TIRAP: variants seen among roughly 807,000 people sequenced by gnomAD.
TIRAP encodes the protein TIR domain containing adaptor protein.
TIRAP carries 20 observed loss-of-function variants against 19.8 expected under a neutral mutation model. The ratio of observed to expected loss-of-function variants is 1.01; its 90% confidence interval spans 0.71 to 1.47. The LOEUF is 1.47. Ranked by LOEUF, TIRAP falls within the 40% of genes most tolerant of loss-of-function variation. The pLI, the probability that TIRAP is intolerant of heterozygous loss-of-function variation, is 0.00. For missense variants in TIRAP, 276 were observed against 285.1 expected (o/e 0.97, Z 0.23); for synonymous variants, 125 against 121.7 (o/e 1.03, Z -0.18).
chr11:126,291,052 C>G lies in TIRAP; in HGVS notation c.67+91C>G. ...CGGTGGGAGGCCTGCCTGGTCCAAA[C>G]TCAGAGAGACGCAGGAAGGCTGACG... is the stretch of plus-strand genomic sequence containing the variant. On this transcript the variant is annotated intron_variant, in intron 3 of 4. Coordinates refer to ENST00000392679, the MANE Select transcript of TIRAP (RefSeq NM_001318777.2). This position sits in a 1 kb window ranked among gnomAD's most constrained non-coding sequence, Gnocchi z 5.6. 3 of 1,441,104 alleles carry G rather than the reference C, an allele frequency of 2.1e-6. No individual in the cohort carries two copies. In the South Asian group the frequency reaches 4.0e-5, roughly 19 times the overall value. The allele number at this position is 1,441,104 out of a possible 1,614,324, so 89.3% of individuals were successfully genotyped here.
Position 126,287,481 on chromosome 11 carries a change from TAGC to T in TIRAP, c.-216-2980_-216-2978del, listed in dbSNP as rs573968662. Among the ~76,000 whole-genome samples, 405 of 151,918 alleles carry T rather than the reference TAGC, an allele frequency of 2.7e-3. No individual in the cohort carries two copies. The highest frequency in any genetic ancestry group is 9.4e-3 in the African/African-American group (390 of 41,426). On this transcript the variant is annotated intron_variant, in intron 1 of 4. Transcript: ENST00000392679. The surrounding 1 kb of genome is among the most constrained non-coding windows in gnomAD (Gnocchi z 4.2). ...GATTACAGGCACGCACCACCACGCT[TAGC>T]TAATTTTTGTATTTTTAGTAGAGAC...
Position 126,287,172 on chromosome 11 carries a change from C to G in TIRAP, c.-216-3290C>G, listed in dbSNP as rs1951331374. ...TTTGTGGGCCACTATTCTGTCTACCCCAGATAGTGATTCCTGCTTAACAGA... is the reference window on the plus strand; with the variant it reads ...TTTGTGGGCCACTATTCTGTCTACCGCAGATAGTGATTCCTGCTTAACAGA... On this transcript the variant is annotated intron_variant, in intron 1 of 4. Coordinates refer to ENST00000392679, the MANE Select transcript of TIRAP (RefSeq NM_001318777.2). This position sits in a 1 kb window ranked among gnomAD's most constrained non-coding sequence, Gnocchi z 4.2. 6.6e-6 allele frequency among the ~76,000 whole-genome samples: 1 copy of G among 152,148 alleles called. No homozygotes were observed. The highest frequency in any genetic ancestry group is 6.6e-5 in the Admixed American group (1 of 15,264).
Position 126,294,005 on chromosome 11 carries a change from T to A in TIRAP, c.*318T>A. The A allele has an allele frequency of 2.4e-6, 1 of 411,896 alleles. No individual in the cohort carries two copies. The highest frequency in any genetic ancestry group is 2.4e-5 in the South Asian group (1 of 41,346). The allele number at this position is 411,896 out of a possible 1,614,324, so 25.5% of individuals were successfully genotyped here. On this transcript the variant is annotated 3_prime_UTR_variant, in exon 5 of 5. Transcript: ENST00000392679. ...TGGAGGTGGTAGGAAGTGGTACTGA[T>A]CAATGATGGCCAGCAGGACTCATCT... is the stretch of plus-strand genomic sequence containing the variant.
rs761479944 is a variant in TIRAP at position 126,292,911 on chromosome 11, G to A, written c.502G>A (p.Ala168Thr). Residue 168 changes from alanine to threonine, a missense_variant, in exon 4 of 5, where the codon GCT becomes ACT. By Grantham distance (58) the Ala-to-Thr change is moderately conservative. Coordinates refer to ENST00000392679, the MANE Select transcript of TIRAP (RefSeq NM_001318777.2). ...CCAGATGCTGCAGGCCCTGACCGAG[G>A]CTCCAGGGGCCGAGGGCTGCACCAT... ...KYQMLQALTE[A>T]PGAEGCTIPL... 7 of 1,613,678 alleles carry A rather than the reference G, an allele frequency of 4.3e-6. No individual in the cohort carries two copies. The South Asian group carries it at 6.6e-5, about 15-fold the overall frequency.
At position 126,292,907 on chromosome 11, in the gene TIRAP, C is replaced by A. The variant is rs768403294; in HGVS notation, c.498C>A (p.Thr166=). ...AGTACCAGATGCTGCAGGCCCTGAC[C>A]GAGGCTCCAGGGGCCGAGGGCTGCA... ...WCKYQMLQAL[T]EAPGAEGCTI... Residue 166 remains threonine, a synonymous_variant, in exon 4 of 5, where the codon ACC becomes ACA. Transcript: ENST00000392679. 14 of 1,613,546 alleles carry A rather than the reference C, an allele frequency of 8.7e-6. No individual in the cohort carries two copies. Among genetic ancestry groups the A allele is most frequent in the Non-Finnish European group, 1.2e-5 (14 of 1,179,918 alleles).
chr11:126,293,397 G>A (rs751919028), intron 4 of TIRAP: 21 of 703,574 alleles, frequency 3.0e-5, no homozygotes, highest in Middle Eastern at 2.3e-4. Context: ...ATAGCTAGTA[G>A]TAGTAACAGT....
chr11:126,283,842 T>G (rs548257923), intron 1 of TIRAP, among the ~76,000 whole-genome samples: 1 of 152,248 alleles, frequency 6.6e-6, no homozygotes, highest in East Asian at 1.9e-4. Context: ...ATCTAGTTAG[T>G]TTTTAGATTT....
Position 126,288,932 on chromosome 11 carries a change from T to G in TIRAP, c.-216-1530T>G, listed in dbSNP as rs1951351773. ...TAAAAAATGCAAAAACCAAGTGACA[T>G]CATGTTTACTACTGGGGGCAAAAAG... On this transcript the variant is annotated intron_variant, in intron 1 of 4. Coordinates refer to ENST00000392679, the MANE Select transcript of TIRAP (RefSeq NM_001318777.2). The surrounding 1 kb of genome is among the most constrained non-coding windows in gnomAD (Gnocchi z 5.0). 6.6e-6 allele frequency among the ~76,000 whole-genome samples: 1 copy of G among 152,096 alleles called. No individual in the cohort carries two copies. The highest frequency in any genetic ancestry group is 1.5e-5 in the Non-Finnish European group (1 of 68,020).
rs932291245 is a variant in TIRAP, at chr11:126,287,799, G to C, written c.-216-2663G>C. The stretch of plus-strand genomic sequence containing the variant: ...GATCGAGTCTCGCTCTGTCACCCAG[G>C]CTGGAGCACAGTGGTGCAATCTCGG... On this transcript the variant is annotated intron_variant, in intron 1 of 4. Transcript: ENST00000392679. This position sits in a 1 kb window ranked among gnomAD's most constrained non-coding sequence, Gnocchi z 4.2. Among the ~76,000 whole-genome samples the C allele has an allele frequency of 6.6e-6, 1 of 152,012 alleles. No individual in the cohort carries two copies. The highest frequency in any genetic ancestry group is 6.6e-5 in the Admixed American group (1 of 15,260).
intron 1 of TIRAP, 48 bp downstream of exon 1, chr11:126,283,201 C>T (rs1951275653): frequency 1.1e-6 from 1 of 952,346 alleles, no homozygotes; most frequent in Admixed American, 6.2e-5. Context: ...CGGCGGGGCT[C>T]CGTGGGGTGG....
chr11:126,284,730 G>A (rs1179827997), intron 1 of TIRAP, among the ~76,000 whole-genome samples: 4 of 151,738 alleles, frequency 2.6e-5, no homozygotes, highest in Non-Finnish European at 5.9e-5. Context: ...GGCGGGTGTC[G>A]GTAGTCCCAG....
At position 126,290,303 on chromosome 11, in the gene TIRAP, C is replaced by T. The variant is rs1397139847; in HGVS notation, c.-216-159C>T. 6.6e-6 allele frequency among the ~76,000 whole-genome samples: 1 copy of T among 152,126 alleles called. No homozygotes were observed. ...CTTCCTGAGCTGACGGCTGCAGGGGCGATGGGTCTATGGATGGAGTTATTC... is the reference window on the plus strand; with the variant it reads ...CTTCCTGAGCTGACGGCTGCAGGGGTGATGGGTCTATGGATGGAGTTATTC... On this transcript the variant is annotated intron_variant, in intron 1 of 4. Coordinates refer to ENST00000392679, the MANE Select transcript of TIRAP (RefSeq NM_001318777.2). This position sits in a 1 kb window ranked among gnomAD's most constrained non-coding sequence, Gnocchi z 4.9.
chr11:126,291,479 C>T lies in TIRAP; in HGVS notation c.67+518C>T, dbSNP rs8177371. 0.13 allele frequency: 154,334 copies of T among 1,210,742 alleles called. 10,023 individuals carry two copies. The highest frequency in any genetic ancestry group is 0.15 in the African/African-American group (9,166 of 62,976). 75.0% of individuals were successfully genotyped at this position (1,210,742 alleles called of 1,614,324 possible). On this transcript the variant is annotated intron_variant, in intron 3 of 4. Transcript: ENST00000392679. The surrounding 1 kb of genome is among the most constrained non-coding windows in gnomAD (Gnocchi z 5.6). Reference sequence around the variant, plus strand: ...CCCAAGAAGAGGCCCGGCTCCCTGACATACCTGACACTGCATTATCTCAGT... The same window carrying T: ...CCCAAGAAGAGGCCCGGCTCCCTGATATACCTGACACTGCATTATCTCAGT...
At position 126,289,725 on chromosome 11, in the gene TIRAP, G is replaced by A. The variant is rs1057484043; in HGVS notation, c.-216-737G>A. 9.7e-5 allele frequency: 96 copies of A among 985,440 alleles called. No homozygotes were observed. In the African/African-American group the frequency reaches 1.6e-3, roughly 16 times the overall value. 61.0% of individuals were successfully genotyped at this position (985,440 alleles called of 1,614,324 possible). The stretch of plus-strand genomic sequence containing the variant: ...TCTGCCAGCCTTTCACAGGAGAAGT[G>A]TCACTAGAATACTACAGCCCCCACA... On this transcript the variant is annotated intron_variant, in intron 1 of 4. Coordinates refer to ENST00000392679, the MANE Select transcript of TIRAP (RefSeq NM_001318777.2).
intron 1 of TIRAP, among the ~76,000 whole-genome samples, chr11:126,286,368 AAAAG>A (rs1448316903): frequency 6.6e-6 from 1 of 152,168 alleles, no homozygotes; most frequent in Non-Finnish European, 1.5e-5. Context: ...GTCTGAAAAA[AAAAG>A]AAAGTCATGG....
chr11:126,289,645 G>A, intron 1 of TIRAP: 1 of 985,370 alleles, frequency 1.0e-6, no homozygotes, highest in South Asian at 4.7e-5. Context: ...TGAGTTCTCA[G>A]GTTTGTTTTG....
Position 126,290,942 on chromosome 11 carries a change from G to T in TIRAP, c.48G>T (p.Lys16Asn), listed in dbSNP as rs1686822328. The T allele has an allele frequency of 6.2e-7, 1 of 1,606,398 alleles. No homozygotes were observed. The change falls in exon 3 of 5, where the codon AAG becomes AAT. Residue 16 changes from lysine to asparagine, a missense_variant. Physicochemically the swap from Lys to Asn is moderately conservative, Grantham distance 94. Coordinates refer to ENST00000392679, the MANE Select transcript of TIRAP (RefSeq NM_001318777.2). The surrounding 1 kb of genome is among the most constrained non-coding windows in gnomAD (Gnocchi z 4.9). ...CAGCTCCTGGCTCTCGGCCTAAGAA[G>T]CCTCTAGGCAAGATGGCTGGTGAGT... ...SLPAPGSRPK[K>N]PLGKMADWFR...
intron 1 of TIRAP, among the ~76,000 whole-genome samples, chr11:126,284,278 C>A (rs1951291653): frequency 6.6e-6 from 1 of 152,124 alleles, no homozygotes; most frequent in Non-Finnish European, 1.5e-5. Flanking sequence ...AGGTGATCCG[C>A]CTGCCTCAGC....
chr11:126,293,964 T>C lies in TIRAP; in HGVS notation c.*277T>C. 7.9e-6 allele frequency: 4 copies of C among 508,370 alleles called. No individual in the cohort carries two copies. The South Asian group carries it at 8.5e-5, about 11-fold the overall frequency. 31.5% of individuals were successfully genotyped at this position (508,370 alleles called of 1,614,324 possible). ...AGCTGGGGACTCCCCAAGAAGGCCA[T>C]GAGGAAGCCAGAAATTGGAGGTGGT... On this transcript the variant is annotated 3_prime_UTR_variant, in exon 5 of 5. Coordinates refer to ENST00000392679, the MANE Select transcript of TIRAP (RefSeq NM_001318777.2).
Sources: allele counts gnomAD v4.1 joint callset (sites outside exome capture counted in the v4.1 genomes callset), GRCh38; gene constraint gnomAD v4.1.1; non-coding constraint Gnocchi (gnomAD v3.1); transcripts MANE v1.5; gene names NCBI Gene and HGNC (gene_info 2026-07-23, HGNC 2026-07-21).